QDPR: variants seen among roughly 807,000 people sequenced by gnomAD.
QDPR encodes the protein quinoid dihydropteridine reductase.
QDPR carries 23 observed loss-of-function variants against 31.7 expected under a neutral mutation model. The observed-to-expected ratio is 0.73, with a 90% confidence interval of 0.52 to 1.03. The LOEUF (loss-of-function observed/expected upper bound fraction) is 1.03. Ranked by LOEUF, QDPR falls within the 50% of genes least tolerant of loss-of-function variation. The probability of loss-of-function intolerance (pLI) is 0.00; values close to 1 mark genes in which losing one functional copy is unlikely to be tolerated. For synonymous variants in QDPR, 124 were observed against 124.7 expected, an observed-to-expected ratio of 0.99 and a Z score of 0.03; for missense variants, 324 against 323.8, an observed-to-expected ratio of 1.00 and a Z score of 0.00.
At position 17,490,190 on chromosome 4, in the gene QDPR, T is replaced by C. The variant is rs375851084; in HGVS notation, c.629+472A>G. On this transcript the variant is annotated intron_variant, in intron 6 of 6. Coordinates refer to ENST00000281243, the MANE Select transcript of QDPR (RefSeq NM_000320.3). ...CTGTGGCTTGACACAGATTCAGATA[T>C]GTGCCCCCAGGCCATCTACGTGGTG... The C allele has an allele frequency of 2.5e-5, 5 of 202,010 alleles. No homozygotes were observed. In the East Asian group the frequency reaches 3.3e-4, roughly 13 times the overall value. The allele number at this position is 202,010 out of a possible 1,614,324, so 12.5% of individuals were successfully genotyped here. A position where few individuals can be genotyped will look rare whatever the true frequency, so the allele number is the denominator to read the frequency against.
In QDPR at chr4:17,504,420, C is replaced by T. The variant is rs780276842; in HGVS notation, c.254G>A (p.Cys85Tyr). The change falls in exon 3 of 7, where the codon TGC (cysteine) becomes TAC (tyrosine). Residue 85 changes from cysteine (C) to tyrosine (Y), a missense_variant. Cys to Tyr is a radical substitution (Grantham distance 194). Transcript: ENST00000281243. ...GCCCCCGGCCCATCCTCCAGCAACG[C>T]AAAGAATTGCATCCACCTTCTCTTC... is the stretch of plus-strand genomic sequence containing the variant. The part of the protein sequence containing the change: ...LGEEKVDAIL[C>Y]VAGGWAGGNA... The T allele has an allele frequency of 1.2e-6, 2 of 1,614,090 alleles. No individual in the cohort carries two copies. Among genetic ancestry groups the T allele is most frequent in the African/African-American group, 2.7e-5 (2 of 74,922 alleles).
At position 17,510,658 on chromosome 4, in the gene QDPR, A is replaced by G. The variant is rs140649506; in HGVS notation, c.105+1292T>C. On this transcript the variant is annotated intron_variant, in intron 1 of 6. Transcript: ENST00000281243. ...GATTCTGCCAAGACCAAGGTAAACCAAAGTGCCACCACCAGGAGAAAGCAC... is the reference window on the plus strand; with the variant it reads ...GATTCTGCCAAGACCAAGGTAAACCGAAGTGCCACCACCAGGAGAAAGCAC... 2.9e-3 allele frequency among the ~76,000 whole-genome samples: 439 copies of G among 152,290 alleles called. 3 individuals carry two copies. The highest frequency in any genetic ancestry group is 9.7e-3 in the African/African-American group (405 of 41,556).
rs139681072 is a variant in QDPR at position 17,490,559 on chromosome 4, C to T, written c.629+103G>A. On this transcript the variant is annotated intron_variant, in intron 6 of 6. Coordinates refer to ENST00000281243, the MANE Select transcript of QDPR (RefSeq NM_000320.3). ...GTCCCAGAGACCTCCCAAGACCACC[C>T]GGATTGACGATCTCAGGGAACACAG... 2.1e-4 allele frequency: 198 copies of T among 964,952 alleles called. 1 individual carries two copies. In the African/African-American group the frequency reaches 2.7e-3, roughly 13 times the overall value. The allele number at this position is 964,952 out of a possible 1,614,324, so 59.8% of individuals were successfully genotyped here.
At chr4:17,506,179 G>C (rs1300005279) in intron 2 of QDPR, among the ~76,000 whole-genome samples, 1 of 152,146 alleles carries the variant, frequency 6.6e-6, no homozygotes, top group African/African-American at 2.4e-5. Flanking sequence ...GCCCAGATTG[G>C]AGTGCAGTGG....
chr4:17,494,041 C>G (rs13121927), intron 4 of QDPR, among the ~76,000 whole-genome samples: 1 of 152,076 alleles, frequency 6.6e-6, no homozygotes, highest in Admixed American at 6.5e-5. Context: ...CCCTGGAACC[C>G]GACTACCTGG....
At chr4:17,499,965 C>A (rs1179875688) in intron 4 of QDPR, among the ~76,000 whole-genome samples, 1 of 151,382 alleles carries the variant, frequency 6.6e-6, no homozygotes, top group Non-Finnish European at 1.5e-5. Flanking sequence ...ACAAGAGAGT[C>A]AAAAAGAGCT....
intron 2 of QDPR, among the ~76,000 whole-genome samples, chr4:17,507,502 AAC>A (rs1350516956): frequency 6.6e-6 from 1 of 152,206 alleles, no homozygotes; most frequent in African/African-American, 2.4e-5. Context: ...CAGCCTGGGC[AAC>A]ACAGTGAGAA....
chr4:17,507,341 A>C (rs1466216421), intron 2 of QDPR, among the ~76,000 whole-genome samples: 6 of 152,198 alleles, frequency 3.9e-5, no homozygotes, highest in African/African-American at 1.2e-4. Flanking sequence ...AAGGCGCTTC[A>C]CATAGTGATG....
rs921481324 is a variant in QDPR at position 17,507,904 on chromosome 4, G to A, written c.198+1367C>T. Among the ~76,000 whole-genome samples, 3 of 152,012 alleles carry A rather than the reference G, an allele frequency of 2.0e-5. No homozygotes were observed. The East Asian group carries it at 5.8e-4, about 29-fold the overall frequency. On this transcript the variant is annotated intron_variant, in intron 2 of 6. Transcript: ENST00000281243. ...GGTGTCAGCCACTGCACCCAGCCTA[G>A]AGCATCTAAGATATTTATACCAGGA...
At chr4:17,507,972 A>T (rs1212152740) in intron 2 of QDPR, among the ~76,000 whole-genome samples, 13 of 152,230 alleles carry the variant, frequency 8.5e-5, no homozygotes, top group Admixed American at 8.5e-4. Flanking sequence ...GGGAAATGAT[A>T]CTATGATGGG....
Position 17,492,329 on chromosome 4 carries a change from AC to A in QDPR, c.447del (p.Tyr150ThrfsTer40), listed in dbSNP as rs2108987721. 6.2e-7 allele frequency: 1 copy of A among 1,614,096 alleles called. No individual in the cohort carries two copies. The highest frequency in any genetic ancestry group is 8.5e-7 in the Non-Finnish European group (1 of 1,179,954). On this transcript the variant is annotated frameshift_variant, in exon 5 of 7. Transcript: ENST00000281243. LOFTEE classifies it high-confidence loss of function. ...TGAACAGCACCCTTGGCCATGCCGTACCCGATCATACCTGGGAAATGGGGAG... is the reference window on the plus strand; with the variant it reads ...TGAACAGCACCCTTGGCCATGCCGTACCGATCATACCTGGGAAATGGGGAG... ...AALDGTPGMI[G>X]YGMAKGAVHQ...
intron 3 of QDPR, among the ~76,000 whole-genome samples, chr4:17,502,178 T>C (rs556970233): frequency 6.6e-6 from 1 of 152,352 alleles, no homozygotes; most frequent in Non-Finnish European, 1.5e-5. Flanking sequence ...TTATGAATGG[T>C]ATCAGATTTG....
chr4:17,501,661 C>T, intron 4 of QDPR, 58 bp downstream of exon 4: 1 of 1,601,870 alleles, frequency 6.2e-7, no homozygotes, highest in Admixed American at 1.7e-5. Context: ...AAGTGCCCAG[C>T]AGCCCCAGCA....
intron 1 of QDPR, 124 bp from the exon 2 acceptor site, chr4:17,509,487 G>T (rs1718921092): frequency 4.8e-6 from 4 of 828,294 alleles, no homozygotes; most frequent in South Asian, 4.2e-5. Context: ...AGCACTTTGG[G>T]AGCCAATGTG....
At chr4:17,510,081 A>G in intron 1 of QDPR, 1 of 429,084 alleles carries the variant, frequency 2.3e-6, no homozygotes, top group Non-Finnish European at 4.7e-6. Flanking sequence ...ATTTTCATAT[A>G]CAACAAAATA....
intron 1 of QDPR, among the ~76,000 whole-genome samples, chr4:17,510,738 G>A (rs1718976526): frequency 6.6e-6 from 1 of 152,170 alleles, no homozygotes; most frequent in Non-Finnish European, 1.5e-5. Context: ...TAAAGATATT[G>A]GGGGCATTAA....
At chr4:17,493,722 AACCCAGATGCTTATC>A (rs1718251486) in intron 4 of QDPR, among the ~76,000 whole-genome samples, 1 of 152,218 alleles carries the variant, frequency 6.6e-6, no homozygotes, top group Non-Finnish European at 1.5e-5. Context: ...CCATGTGTTC[AACCCAGATGCTTATC>A]ACATCTGTAA....
intron 6 of QDPR, among the ~76,000 whole-genome samples, chr4:17,488,273 AATT>A (rs1225433740): frequency 6.6e-6 from 1 of 152,126 alleles, no homozygotes; most frequent in Admixed American, 6.5e-5. Context: ...AAAAAAAAAA[AATT>A]GTTTTTAAAG....
At chr4:17,491,538 TTCTC>T (rs771931627) in intron 5 of QDPR, among the ~76,000 whole-genome samples, 17 of 152,052 alleles carry the variant, frequency 1.1e-4, no homozygotes, top group Non-Finnish European at 2.1e-4. Flanking sequence ...GTTTCCCATA[TTCTC>T]TCTCTCTCAC....
Sources: gnomAD v4.1 joint callset for allele counts (sites outside exome capture counted in the v4.1 genomes callset) on GRCh38, gnomAD v4.1.1 for gene constraint, MANE v1.5 for transcripts, NCBI Gene and HGNC (gene_info 2026-07-23, HGNC 2026-07-21) for gene names.